The following CECR2 variants were observed in gnomAD, a reference collection of about 807,000 sequenced individuals.
The protein encoded by CECR2 is chromatin remodeling regulator CECR2.
A neutral mutation model predicts 154.5 loss-of-function variants in CECR2; 30 were observed. The ratio of observed to expected loss-of-function variants is 0.19; its 90% CI spans 0.15 to 0.26. The LOEUF is 0.26. Ranked by LOEUF, CECR2 falls within the 10% of genes least tolerant of loss-of-function variation. CECR2 has a pLI of 1.00. For missense variants in CECR2, 1,743 were observed against 1,829.3 expected, an observed-to-expected ratio of 0.95 and a Z score of 0.86; for synonymous variants, 725 against 683.7, an observed-to-expected ratio of 1.06 and a Z score of -0.94.
At chr22:17,477,750 T>C in intron 2 of CECR2, 68 bp downstream of exon 2, 1 of 1,111,254 alleles carries the variant, frequency 9.0e-7, no homozygotes, top group Admixed American at 1.7e-5. Context: ...TAGTGATGTT[T>C]CCTGTCTCCT....
intron 16 of CECR2, among the ~76,000 whole-genome samples, chr22:17,543,892 T>C (rs2147038026): frequency 6.6e-6 from 1 of 152,224 alleles, no homozygotes; most frequent in Middle Eastern, 3.4e-3. Flanking sequence ...AGAACAAGCC[T>C]TCGAGATAGC....
At position 17,554,522 on chromosome 22, in the gene CECR2, C is replaced by G. The variant is rs974802408; in HGVS notation, c.*1682C>G. On this transcript the variant is annotated 3_prime_UTR_variant, in exon 19 of 19. Transcript: ENST00000262608. The stretch of plus-strand genomic sequence containing the variant: ...CATCCATGATACAGAGAAATGAAAG[C>G]CAAGACACCAGTTCCAGGATGATGG... 1.3e-5 allele frequency: 2 copies of G among 152,124 alleles called. No individual in the cohort carries two copies. Among genetic ancestry groups the G allele is most frequent in the African/African-American group, 4.8e-5 (2 of 41,420 alleles). The allele number at this position is 152,124 out of a possible 1,614,324, so 9.4% of individuals were successfully genotyped here.
At chr22:17,490,915 T>C (rs1213420084) in intron 2 of CECR2, among the ~76,000 whole-genome samples, 2 of 151,882 alleles carry the variant, frequency 1.3e-5, no homozygotes, top group African/African-American at 4.9e-5. Context: ...CCAGCGTCAC[T>C]ATTCTTACTG....
At chr22:17,451,451 G>T (rs1212092186) in intron 1 of CECR2, among the ~76,000 whole-genome samples, 1 of 152,140 alleles carries the variant, frequency 6.6e-6, no homozygotes, top group Non-Finnish European at 1.5e-5. Flanking sequence ...CATAGCTCAA[G>T]GGGAAGCTAG....
At chr22:17,477,527 G>A in intron 1 of CECR2, 61 bp from the exon 2 acceptor site, 1 of 1,094,022 alleles carries the variant, frequency 9.1e-7, no homozygotes, top group Non-Finnish European at 1.4e-6. Context: ...GCGGTAGGAA[G>A]GGGTGTGTAT....
chr22:17,539,501 G>A (rs1235424401), intron 13 of CECR2, among the ~76,000 whole-genome samples: 1 of 152,048 alleles, frequency 6.6e-6, no homozygotes, highest in African/African-American at 2.4e-5. Flanking sequence ...ATCACACTCC[G>A]GGGCCTGTTG....
At chr22:17,394,646 C>T (rs1431248997) in intron 1 of CECR2, among the ~76,000 whole-genome samples, 6 of 151,972 alleles carry the variant, frequency 3.9e-5, no homozygotes, top group Non-Finnish European at 8.8e-5. Context: ...GTTTGGGGTC[C>T]CTTTGGAATC....
intron 1 of CECR2, among the ~76,000 whole-genome samples, chr22:17,453,672 G>C (rs540710737): frequency 6.6e-6 from 1 of 152,050 alleles, no homozygotes; most frequent in African/African-American, 2.4e-5. Context: ...AACATGACTG[G>C]CACAAGAATT....
intron 1 of CECR2, among the ~76,000 whole-genome samples, chr22:17,387,826 T>G (rs2063282840): frequency 6.6e-6 from 1 of 152,208 alleles, no homozygotes; most frequent in East Asian, 1.9e-4. Context: ...TGTAGTTGTT[T>G]ACTATCATGA....
In CECR2 at chr22:17,414,349, G is replaced by A. The variant is rs187621595; in HGVS notation, c.126+44440G>A. 6.4e-4 allele frequency among the ~76,000 whole-genome samples: 97 copies of A among 152,158 alleles called. 1 individual carries two copies. Among genetic ancestry groups the A allele is most frequent in the Middle Eastern group, 3.4e-3 (1 of 294 alleles). ...GACAGAGTTTTGAAGTGTATTGCAG[G>A]TACTTTATTACTGATTGTGAATTCC... On this transcript the variant is annotated intron_variant, in intron 1 of 18. Coordinates refer to ENST00000262608, the MANE Select transcript of CECR2 (RefSeq NM_001290047.2).
Position 17,552,898 on chromosome 22 carries a change from G to A in CECR2, c.*58G>A. The stretch of plus-strand genomic sequence containing the variant: ...AGCTGCACACGAAGACTGGAATGTG[G>A]AGAACTGGGGAGTGCCCTGTCAGCT... On this transcript the variant is annotated 3_prime_UTR_variant, in exon 19 of 19. Transcript: ENST00000262608. 1 of 1,541,484 alleles carries A rather than the reference G, an allele frequency of 6.5e-7. No homozygotes were observed.
chr22:17,443,633 C>T (rs1404553096), intron 1 of CECR2, among the ~76,000 whole-genome samples: 1 of 152,204 alleles, frequency 6.6e-6, no homozygotes, highest in East Asian at 1.9e-4. Context: ...GAGGACGGGC[C>T]TTTCTCTGCC....
chr22:17,414,178 T>G (rs12159621), intron 1 of CECR2, among the ~76,000 whole-genome samples: 12 of 151,562 alleles, frequency 7.9e-5, no homozygotes, highest in African/African-American at 2.2e-4. Flanking sequence ...TTCACTGTGT[T>G]AGCCAGGATG....
intron 16 of CECR2, among the ~76,000 whole-genome samples, chr22:17,547,420 C>T (rs1317238794): frequency 1.3e-5 from 2 of 151,940 alleles, no homozygotes; most frequent in East Asian, 3.9e-4. Flanking sequence ...TTAGTAGAGA[C>T]GGGGTTTCAC....
intron 17 of CECR2, 29 bp downstream of exon 17, chr22:17,549,593 A>G (rs781568637): frequency 1.3e-6 from 2 of 1,482,418 alleles, no homozygotes. Flanking sequence ...TTTTCCCCCT[A>G]AAGAGAGAAC....
intron 7 of CECR2, among the ~76,000 whole-genome samples, chr22:17,506,757 G>A (rs1335937697): frequency 2.0e-5 from 3 of 151,994 alleles, no homozygotes; most frequent in South Asian, 2.1e-4. Flanking sequence ...GGGTTCAAGC[G>A]ATTCTCATGC....
intron 2 of CECR2, among the ~76,000 whole-genome samples, chr22:17,492,605 ATT>A (rs2055552010): frequency 6.6e-6 from 1 of 152,224 alleles, no homozygotes; most frequent in Non-Finnish European, 1.5e-5. Context: ...AAAAGAGGTA[ATT>A]AAGAGCCAGT....
chr22:17,494,579 G>T (rs749114312), intron 2 of CECR2, among the ~76,000 whole-genome samples: 4 of 152,184 alleles, frequency 2.6e-5, no homozygotes, highest in Non-Finnish European at 5.9e-5. Flanking sequence ...AGCCCTGATT[G>T]TTAGAACTGT....
intron 2 of CECR2, among the ~76,000 whole-genome samples, chr22:17,490,337 A>G (rs2055505198): frequency 1.3e-5 from 2 of 151,716 alleles, no homozygotes; most frequent in African/African-American, 2.4e-5. Context: ...CTTATGTGAC[A>G]CTCTGTCTCC....
Sources: allele counts gnomAD v4.1 joint callset (sites outside exome capture counted in the v4.1 genomes callset), GRCh38; gene constraint gnomAD v4.1.1; transcripts MANE v1.5; gene names NCBI Gene and HGNC (gene_info 2026-07-23, HGNC 2026-07-21).